The following ATAD2B variants were observed in gnomAD, a reference collection of about 807,000 sequenced individuals.
The protein encoded by ATAD2B is ATPase family AAA domain-containing protein 2B.
A neutral mutation model predicts 167.6 loss-of-function variants in ATAD2B; 40 were observed. The observed-to-expected ratio is 0.24, with a 90% CI of 0.19 to 0.31. The LOEUF (loss-of-function observed/expected upper bound fraction) is 0.31, where lower values mean the gene tolerates loss of function less well. Among genes scored for constraint, ATAD2B ranks in the 10% least tolerant of loss-of-function variants. The pLI is 1.00. For synonymous variants in ATAD2B, 579 were observed against 596.5 expected (o/e 0.97, Z 0.43); for missense variants, 1,242 against 1,757.2 (o/e 0.71, Z 5.24).
Position 23,798,333 on chromosome 2 carries a change from G to GA in ATAD2B, c.2455-11dup, listed in dbSNP as rs774515952. ...GAGCTTCACGAAAAATCTAATTAAGGAAAAAAACCAACATTAAACAACTCA... is the reference window on the plus strand; with the variant it reads ...GAGCTTCACGAAAAATCTAATTAAGGAAAAAAAACCAACATTAAACAACTCA... On this transcript the variant is annotated splice_polypyrimidine_tract_variant and intron_variant, in intron 18 of 27. Transcript: ENST00000238789. 2 of 1,561,000 alleles carry GA rather than the reference G, an allele frequency of 1.3e-6. No homozygotes were observed. Among genetic ancestry groups the GA allele is most frequent in the Non-Finnish European group, 1.7e-6 (2 of 1,148,550 alleles).
intron 1 of ATAD2B, among the ~76,000 whole-genome samples, chr2:23,903,976 T>C (rs1371343784): frequency 6.6e-6 from 1 of 151,980 alleles, no homozygotes; most frequent in Non-Finnish European, 1.5e-5. Flanking sequence ...GTGATGGTGG[T>C]GTGGGGAGCC....
the ATAD2B span, among the ~76,000 whole-genome samples, chr2:23,694,161 T>C: frequency 6.6e-6 from 1 of 152,240 alleles, no homozygotes; most frequent in Non-Finnish European, 1.5e-5. Flanking sequence ...AGTGGCCTTC[T>C]GGGCCTCTCC....
At chr2:23,687,299 C>T in the ATAD2B span, among the ~76,000 whole-genome samples, 1 of 152,202 alleles carries the variant, frequency 6.6e-6, no homozygotes. Flanking sequence ...TCCCCGCATC[C>T]CCAGGTCTGG....
the ATAD2B span, among the ~76,000 whole-genome samples, chr2:23,688,400 T>C: frequency 2.0e-5 from 3 of 152,240 alleles, no homozygotes; most frequent in South Asian, 6.2e-4. Flanking sequence ...CAGTTCCAAC[T>C]TGCAAAATGA....
intron 13 of ATAD2B, among the ~76,000 whole-genome samples, chr2:23,839,991 ACT>A (rs1472263969): frequency 6.6e-6 from 1 of 151,970 alleles, no homozygotes; most frequent in Non-Finnish European, 1.5e-5. Flanking sequence ...TACAGTAAGT[ACT>A]CTTTTTATTC....
intron 6 of ATAD2B, among the ~76,000 whole-genome samples, chr2:23,881,522 C>A (rs932540172): frequency 6.6e-6 from 1 of 150,476 alleles, no homozygotes; most frequent in Non-Finnish European, 1.5e-5. Context: ...CCACCACGCC[C>A]GGCTCATTTT....
At chr2:23,904,622 T>G (rs905264430) in intron 1 of ATAD2B, among the ~76,000 whole-genome samples, 29 of 151,140 alleles carry the variant, frequency 1.9e-4, no homozygotes, top group Admixed American at 1.7e-3. Context: ...AAACAAATTA[T>G]TTAAAGAGTA....
At chr2:23,771,738 C>T (rs1341837604) in intron 22 of ATAD2B, among the ~76,000 whole-genome samples, 7 of 152,086 alleles carry the variant, frequency 4.6e-5, no homozygotes, top group Non-Finnish European at 1.0e-4. Flanking sequence ...AACTCTATTG[C>T]GGCCCCTGTG....
chr2:23,908,697 T>C (rs975294376), intron 1 of ATAD2B, among the ~76,000 whole-genome samples: 18 of 152,102 alleles, frequency 1.2e-4, no homozygotes, highest in African/African-American at 3.9e-4. Context: ...CGTATGTTTA[T>C]TGTGGCATTA....
At chr2:23,747,579 G>A (rs1674965037), downstream of ATAD2B, among the ~76,000 whole-genome samples, 1 of 151,896 alleles carries the variant, frequency 6.6e-6, no homozygotes, top group Non-Finnish European at 1.5e-5. Flanking sequence ...TAATTAATTG[G>A]TTCCCTTCCC....
chr2:23,719,169 C>T, the ATAD2B span, among the ~76,000 whole-genome samples: 1 of 152,180 alleles, frequency 6.6e-6, no homozygotes, highest in Non-Finnish European at 1.5e-5. Flanking sequence ...TAGGCCAGGA[C>T]TTTTGGTCTG....
chr2:23,892,235 C>T (rs571887467), intron 2 of ATAD2B, among the ~76,000 whole-genome samples: 1 of 152,304 alleles, frequency 6.6e-6, no homozygotes, highest in East Asian at 1.9e-4. Context: ...GCGATCTTGG[C>T]TCATTGCAAG....
intron 13 of ATAD2B, among the ~76,000 whole-genome samples, chr2:23,847,897 G>T (rs1573018142): frequency 1.3e-5 from 2 of 151,028 alleles, no homozygotes; most frequent in South Asian, 2.1e-4. Context: ...GGAGGCTGAG[G>T]CAGGAGAATC....
chr2:23,924,215 G>A (rs10170595), intron 1 of ATAD2B, among the ~76,000 whole-genome samples: 1,894 of 152,188 alleles, frequency 0.012, 37 homozygotes, highest in African/African-American at 0.043. Flanking sequence ...TGGCACAAAA[G>A]CAGAAAAAGG....
intron 20 of ATAD2B, among the ~76,000 whole-genome samples, chr2:23,786,757 A>G (rs1439214511): frequency 6.6e-6 from 1 of 152,132 alleles, no homozygotes; most frequent in African/African-American, 2.4e-5. Context: ...GGACCCCTTT[A>G]AAAAACAAAA....
intron 22 of ATAD2B, among the ~76,000 whole-genome samples, chr2:23,775,115 T>C (rs1260176643): frequency 6.6e-6 from 1 of 152,048 alleles, no homozygotes; most frequent in African/African-American, 2.4e-5. Context: ...GATTCAGAGA[T>C]GAAGGGGTAC....
intron 21 of ATAD2B, among the ~76,000 whole-genome samples, chr2:23,784,297 T>C (rs1386319691): frequency 6.6e-6 from 1 of 152,118 alleles, no homozygotes; most frequent in Non-Finnish European, 1.5e-5. Context: ...CTTTGGAATT[T>C]GATAAAGTTT....
At chr2:23,800,503 G>GGT (rs1683310141) in intron 18 of ATAD2B, among the ~76,000 whole-genome samples, 1 of 152,118 alleles carries the variant, frequency 6.6e-6, no homozygotes, top group South Asian at 2.1e-4. Context: ...GTTAACTACA[G>GGT]GTGTCTTAAC....
chr2:23,896,978 T>A (rs1700237649), intron 1 of ATAD2B, among the ~76,000 whole-genome samples: 1 of 152,024 alleles, frequency 6.6e-6, no homozygotes. Flanking sequence ...AATATTTTTT[T>A]AAAAAGCCAG....
Sources: allele counts gnomAD v4.1 joint callset (sites outside exome capture counted in the v4.1 genomes callset), GRCh38; gene constraint gnomAD v4.1.1; transcripts MANE v1.5; gene names NCBI Gene and HGNC (gene_info 2026-07-23, HGNC 2026-07-21).